Variants in FAM177A1 observed in about 807,000 individuals in gnomAD.
FAM177A1 encodes protein FAM177A1.
Under a neutral mutation model 26.1 loss-of-function variants are expected in FAM177A1, and 22 were observed. The ratio of observed to expected loss-of-function variants is 0.84; its 90% CI spans 0.60 to 1.20. The LOEUF (loss-of-function observed/expected upper bound fraction) is 1.20. FAM177A1 is among the 50% of genes most tolerant of loss of function. FAM177A1 has a pLI of 0.00. For missense variants in FAM177A1, 296 were observed against 291.1 expected, an observed-to-expected ratio of 1.02 and a Z score of -0.12; for synonymous variants, 95 against 99.3, an observed-to-expected ratio of 0.96 and a Z score of 0.26.
chr14:35,047,123 G>T (rs1473845649), intron 1 of FAM177A1: 1 of 505,848 alleles, frequency 2.0e-6, no homozygotes, highest in Non-Finnish European at 2.6e-6. Context: ...GGCAACTAAG[G>T]CTCCGAGCTG....
At chr14:35,061,726 C>T (rs2045161466) in intron 2 of FAM177A1, among the ~76,000 whole-genome samples, 3 of 150,556 alleles carry the variant, frequency 2.0e-5, no homozygotes, top group Admixed American at 2.0e-4. Context: ...AACTAACTGG[C>T]ACATTGTGCA....
intron 2 of FAM177A1, among the ~76,000 whole-genome samples, chr14:35,061,812 G>T (rs530500508): frequency 6.6e-6 from 1 of 151,366 alleles, no homozygotes; most frequent in Non-Finnish European, 1.5e-5. Flanking sequence ...CTCTGCTGGC[G>T]TAGAACTTGC....
intron 1 of FAM177A1, chr14:35,050,189 A>C (rs1451393689): frequency 6.6e-6 from 1 of 151,900 alleles, no homozygotes; most frequent in Non-Finnish European, 1.5e-5. Flanking sequence ...GTATTTTTTT[A>C]GTAGAGGTGG....
chr14:35,073,755 A>G (rs1362235593), intron 2 of FAM177A1, among the ~76,000 whole-genome samples: 1 of 152,170 alleles, frequency 6.6e-6, no homozygotes, highest in Non-Finnish European at 1.5e-5. Flanking sequence ...GGCAGTCCTA[A>G]TCATAAACCG....
At chr14:35,055,331 C>T (rs1245374858) in intron 2 of FAM177A1, among the ~76,000 whole-genome samples, 1 of 61,770 alleles carries the variant, frequency 1.6e-5, no homozygotes, top group African/African-American at 5.2e-5. Flanking sequence ...GGATATTCTA[C>T]ACAGAAAATA....
intron 1 of FAM177A1, among the ~76,000 whole-genome samples, chr14:35,048,172 C>T (rs948615899): frequency 6.6e-6 from 1 of 152,192 alleles, no homozygotes; most frequent in Non-Finnish European, 1.5e-5. Flanking sequence ...CTATTGTTGG[C>T]AAGTGCACTT....
intron 2 of FAM177A1, among the ~76,000 whole-genome samples, chr14:35,075,939 A>G (rs534435433): frequency 1.3e-5 from 2 of 152,310 alleles, no homozygotes; most frequent in African/African-American, 4.8e-5. Context: ...AAGTCAGGAA[A>G]CAACAGGTGC....
At position 35,051,263 on chromosome 14, in the gene FAM177A1, G is replaced by A. The variant is rs148383485; in HGVS notation, c.166-2015G>A. On this transcript the variant is annotated intron_variant, in intron 1 of 4. Transcript: ENST00000280987. ...GCTTCCCGAGTAGCTGGGACTACAG[G>A]TGCGTGCCACCACGCCCAGCTAATT... is the stretch of plus-strand genomic sequence containing the variant. Among the ~76,000 whole-genome samples, 881 of 151,620 alleles carry A rather than the reference G, an allele frequency of 5.8e-3. 12 individuals are homozygous for A. The highest frequency in any genetic ancestry group is 0.027 in the Middle Eastern group (8 of 292).
At chr14:35,055,904 C>T (rs189550138) in intron 2 of FAM177A1, among the ~76,000 whole-genome samples, 4 of 152,300 alleles carry the variant, frequency 2.6e-5, no homozygotes, top group Admixed American at 2.6e-4. Context: ...TTGATTTTAG[C>T]AACCCTAGTG....
intron 2 of FAM177A1, among the ~76,000 whole-genome samples, chr14:35,073,620 T>C (rs1367988602): frequency 2.6e-5 from 4 of 152,194 alleles, no homozygotes; most frequent in Non-Finnish European, 1.5e-5. Flanking sequence ...GGACAAAGCA[T>C]TGATGGAACC....
chr14:35,053,460 G>C lies in FAM177A1; in HGVS notation c.339+9G>C, dbSNP rs200292076. 1.9e-5 allele frequency: 31 copies of C among 1,612,638 alleles called. No individual in the cohort carries two copies. The highest frequency in any genetic ancestry group is 2.5e-5 in the Non-Finnish European group (30 of 1,179,576). ...TGCCTACTGTTGATCCGGTAGGTTT[G>C]ATATTGATGATTCTTTCCTCAGTGG... On this transcript the variant is annotated intron_variant, in intron 2 of 4. Coordinates refer to ENST00000280987, the MANE Select transcript of FAM177A1 (RefSeq NM_173607.5).
In FAM177A1 at chr14:35,079,000, T is replaced by C. The variant is rs1268709107; in HGVS notation, c.480T>C (p.Asp160=). 1 of 1,559,046 alleles carries C rather than the reference T, an allele frequency of 6.4e-7. No homozygotes were observed. Among genetic ancestry groups the C allele is most frequent in the Admixed American group, 2.2e-5 (1 of 44,662 alleles). The change falls in exon 4 of 5, where the codon GAT becomes GAC. Residue 160 remains aspartate (D), a synonymous_variant. Transcript: ENST00000280987. The part of the protein sequence containing the change: ...ISTPKYQYAI[D]EYYRMKKEEE... ...CCCCAAAGTACCAATATGCCATTGA[T>C]GAATATTATCGGATGAAGAAGGAGG... is the stretch of plus-strand genomic sequence containing the variant.
intron 2 of FAM177A1, among the ~76,000 whole-genome samples, chr14:35,074,280 G>A (rs1205306659): frequency 6.6e-6 from 1 of 152,054 alleles, no homozygotes; most frequent in Non-Finnish European, 1.5e-5. Context: ...GAGTAGCTGG[G>A]ATCACAGGCG....
chr14:35,051,830 A>T (rs1310914479), intron 1 of FAM177A1, among the ~76,000 whole-genome samples: 1 of 152,256 alleles, frequency 6.6e-6, no homozygotes, highest in Non-Finnish European at 1.5e-5. Context: ...TTAGAAGATT[A>T]AGATGAAACA....
At chr14:35,047,088 G>T in intron 1 of FAM177A1, 1 of 889,622 alleles carries the variant, frequency 1.1e-6, no homozygotes, top group Non-Finnish European at 1.3e-6. Flanking sequence ...GCTCGAGGTG[G>T]GTGTTAGCCC....
chr14:35,071,531 C>T (rs2045321364), intron 2 of FAM177A1, among the ~76,000 whole-genome samples: 1 of 152,058 alleles, frequency 6.6e-6, no homozygotes, highest in South Asian at 2.1e-4. Flanking sequence ...GGAATTCTGG[C>T]ATAGACTCTA....
intron 1 of FAM177A1, 160 bp downstream of exon 1, chr14:35,046,788 T>A: frequency 7.2e-7 from 1 of 1,380,952 alleles, no homozygotes; most frequent in Non-Finnish European, 9.4e-7. Flanking sequence ...TGAGACCAGC[T>A]TGTGGGAAGG....
intron 2 of FAM177A1, among the ~76,000 whole-genome samples, chr14:35,069,584 C>T (rs1251873823): frequency 2.0e-5 from 3 of 152,000 alleles, no homozygotes; most frequent in Non-Finnish European, 4.4e-5. Context: ...CGTGCCTGGC[C>T]CCATTGGAGT....
chr14:35,055,435 A>T lies in FAM177A1; in HGVS notation c.339+1984A>T, dbSNP rs540267280. On this transcript the variant is annotated intron_variant, in intron 2 of 4. Coordinates refer to ENST00000280987, the MANE Select transcript of FAM177A1 (RefSeq NM_173607.5). ...AGGACTAGAATTGCTGGGTCATGCAATAACTGTTTTTTTTTTTTTTTTGAG... is the reference window on the plus strand; with the variant it reads ...AGGACTAGAATTGCTGGGTCATGCATTAACTGTTTTTTTTTTTTTTTTGAG... Among the ~76,000 whole-genome samples the T allele has an allele frequency of 3.7e-3, 560 of 151,770 alleles. 6 individuals are homozygous for T. Among genetic ancestry groups the T allele is most frequent in the African/African-American group, 0.013 (543 of 41,404 alleles).
Sources: allele counts gnomAD v4.1 joint callset (sites outside exome capture counted in the v4.1 genomes callset), GRCh38; gene constraint gnomAD v4.1.1; transcripts MANE v1.5; gene names NCBI Gene and HGNC (gene_info 2026-07-23, HGNC 2026-07-21).